Variants in PCDHGA8 observed in about 807,000 individuals in gnomAD.
PCDHGA8 encodes the protein protocadherin gamma-A8.
A neutral mutation model predicts 59.2 loss-of-function variants in PCDHGA8; 45 were observed. The ratio of observed to expected loss-of-function variants is 0.76; its 90% CI spans 0.60 to 0.98. PCDHGA8 has a LOEUF of 0.98. Ranked by LOEUF, PCDHGA8 falls within the 50% of genes least tolerant of loss-of-function variation. The pLI is 0.00. For synonymous variants in PCDHGA8, 531 were observed against 519.0 expected, an observed-to-expected ratio of 1.02 and a Z score of -0.32; for missense variants, 1,257 against 1,196.2, an observed-to-expected ratio of 1.05 and a Z score of -0.75.
chr5:141,509,882 GTGAC>G (rs1186067105), intron 3 of PCDHGA8, among the ~76,000 whole-genome samples: 1 of 152,182 alleles, frequency 6.6e-6, no homozygotes, highest in Non-Finnish European at 1.5e-5. Context: ...GGTGGTGATG[GTGAC>G]TGACTGTCCC....
At chr5:141,395,538 T>C (rs1459118809) in intron 1 of PCDHGA8, 1 of 225,772 alleles carries the variant, frequency 4.4e-6, no homozygotes, top group Non-Finnish European at 7.1e-6. Context: ...AATTTTGCTA[T>C]TGTTTGTGTG....
chr5:141,433,199 A>G (rs2097574804), intron 1 of PCDHGA8: 1 of 1,579,570 alleles, frequency 6.3e-7, no homozygotes, highest in Non-Finnish European at 8.6e-7. Context: ...TTTATATCAA[A>G]TCTTCTTTCT....
intron 1 of PCDHGA8, among the ~76,000 whole-genome samples, chr5:141,460,997 G>A (rs1322943324): frequency 3.4e-5 from 5 of 147,290 alleles, no homozygotes; most frequent in Admixed American, 1.4e-4. Flanking sequence ...ATATATATAT[G>A]TGTATATATA....
intron 2 of PCDHGA8, among the ~76,000 whole-genome samples, chr5:141,499,265 C>T (rs1220250999): frequency 6.6e-6 from 1 of 152,128 alleles, no homozygotes; most frequent in African/African-American, 2.4e-5. Context: ...CATTTGGTCC[C>T]TAGACTGTTC....
intron 1 of PCDHGA8, among the ~76,000 whole-genome samples, chr5:141,474,643 CCTTA>C (rs1474125632): frequency 1.3e-5 from 2 of 152,134 alleles, no homozygotes; most frequent in Admixed American, 1.3e-4. Flanking sequence ...TCCTATATAT[CCTTA>C]CTTCTTTTCT....
chr5:141,502,866 CTT>C (rs549047197), intron 2 of PCDHGA8, among the ~76,000 whole-genome samples: 3 of 127,996 alleles, frequency 2.3e-5, no homozygotes, highest in Admixed American at 8.6e-5. Flanking sequence ...GACTCTCTGT[CTT>C]TTTTTTTTTT....
chr5:141,495,465 G>T (rs563411010), intron 2 of PCDHGA8, among the ~76,000 whole-genome samples: 11 of 152,298 alleles, frequency 7.2e-5, no homozygotes, highest in African/African-American at 2.4e-4. Flanking sequence ...TGTCTGTGGG[G>T]TCTCCGTGTC....
Position 141,491,944 on chromosome 5 carries a change from C to T in PCDHGA8, c.2425-2863C>T, listed in dbSNP as rs1245968796. ...CGAGGGGAGGTGGGACCGACCCCCACCCCTACACTCAAAAAAGGCCGGGGC... is the reference window on the plus strand; with the variant it reads ...CGAGGGGAGGTGGGACCGACCCCCATCCCTACACTCAAAAAAGGCCGGGGC... On this transcript the variant is annotated intron_variant, in intron 1 of 3. Transcript: ENST00000398604. This position sits in a 1 kb window ranked among gnomAD's most constrained non-coding sequence, Gnocchi z 6.9. The T allele has an allele frequency of 1.8e-6, 2 of 1,120,156 alleles. No individual in the cohort carries two copies. Among genetic ancestry groups the T allele is most frequent in the Non-Finnish European group, 2.4e-6 (2 of 822,072 alleles). The allele number at this position is 1,120,156 out of a possible 1,614,324, so 69.4% of individuals were successfully genotyped here. A position where few individuals can be genotyped will look rare whatever the true frequency, so the allele number is the denominator to read the frequency against.
At chr5:141,396,797 T>C (rs1043872860) in intron 1 of PCDHGA8, among the ~76,000 whole-genome samples, 1 of 152,182 alleles carries the variant, frequency 6.6e-6, no homozygotes, top group Non-Finnish European at 1.5e-5. Context: ...TTCCTAAGGA[T>C]TGTGTAGTGT....
intron 1 of PCDHGA8, chr5:141,414,717 C>T: frequency 6.2e-7 from 1 of 1,614,152 alleles, no homozygotes; most frequent in Non-Finnish European, 8.5e-7. Flanking sequence ...TCAACTCAGA[C>T]ACTGGCGTCC....
intron 2 of PCDHGA8, among the ~76,000 whole-genome samples, chr5:141,500,182 A>T (rs1050067271): frequency 4.6e-5 from 6 of 131,718 alleles, no homozygotes; most frequent in African/African-American, 1.9e-4. Context: ...CTTCATTTTT[A>T]TTTTTATTTA....
rs184178455 is a variant in PCDHGA8 at position 141,428,574 on chromosome 5, T to C, written c.2424+33337T>C. ...CAGTCCCCCCACAAGATCTTTCTAA[T>C]GAAGTTTCTCTGGTAGCAAGCTTCA... is the stretch of plus-strand genomic sequence containing the variant. On this transcript the variant is annotated intron_variant, in intron 1 of 3. Transcript: ENST00000398604. 1.8e-3 allele frequency: 416 copies of C among 229,070 alleles called. 3 individuals are homozygous for C. The highest frequency in any genetic ancestry group is 2.8e-3 in the Non-Finnish European group (314 of 113,918). The allele number at this position is 229,070 out of a possible 1,614,324, so 14.2% of individuals were successfully genotyped here. A position where few individuals can be genotyped will look rare whatever the true frequency, so the allele number is the denominator to read the frequency against.
intron 1 of PCDHGA8, chr5:141,399,180 G>T (rs1454578078): frequency 3.7e-6 from 6 of 1,613,798 alleles, no homozygotes; most frequent in Admixed American, 1.7e-5. Flanking sequence ...TACTTGAAAT[G>T]ATTCTGGAAA....
At chr5:141,459,938 C>T (rs373341229) in intron 1 of PCDHGA8, among the ~76,000 whole-genome samples, 4 of 152,148 alleles carry the variant, frequency 2.6e-5, no homozygotes, top group African/African-American at 4.8e-5. Context: ...TGTAGCTGGG[C>T]GTGATGGCAG....
intron 1 of PCDHGA8, chr5:141,418,421 G>A (rs776535087): frequency 2.5e-6 from 4 of 1,613,966 alleles, no homozygotes; most frequent in Non-Finnish European, 3.4e-6. Flanking sequence ...CAATCCTGAT[G>A]GTGGCAAATA....
chr5:141,507,872 C>T (rs2099864458), intron 3 of PCDHGA8, among the ~76,000 whole-genome samples: 1 of 152,168 alleles, frequency 6.6e-6, no homozygotes, highest in African/African-American at 2.4e-5. Flanking sequence ...GCTTCCTAGC[C>T]CTGAAACCAG....
At chr5:141,410,312 C>T (rs754522489) in intron 1 of PCDHGA8, 9 of 1,614,036 alleles carry the variant, frequency 5.6e-6, no homozygotes, top group South Asian at 3.3e-5. Context: ...AGTGCTCTTC[C>T]TCCTCGCCGT....
intron 1 of PCDHGA8, chr5:141,398,054 A>G (rs372627681): frequency 9.0e-5 from 136 of 1,518,912 alleles, no homozygotes; most frequent in Non-Finnish European, 1.0e-4. Context: ...CGGAGATCCA[A>G]AAATCTACAA....
intron 1 of PCDHGA8, chr5:141,419,425 C>A (rs3749766): frequency 2.5e-6 from 4 of 1,613,316 alleles, no homozygotes; most frequent in Non-Finnish European, 3.4e-6. Context: ...CCTTCGACCA[C>A]GAGCAGCTGC....
Sources: gnomAD v4.1 joint callset for allele counts (sites outside exome capture counted in the v4.1 genomes callset) on GRCh38, gnomAD v4.1.1 for gene constraint, Gnocchi (gnomAD v3.1) non-coding constraint, MANE v1.5 for transcripts, NCBI Gene and HGNC (gene_info 2026-07-23, HGNC 2026-07-21) for gene names.